Variants in CLIP1 observed in about 807,000 individuals in gnomAD.
CLIP1 encodes CAP-Gly domain containing linker protein 1.
Under a neutral mutation model 161.6 loss-of-function variants are expected in CLIP1, and 66 were observed. That is an observed-to-expected ratio of 0.41 (90% confidence interval 0.33 to 0.50). The LOEUF is 0.50. Among genes scored for constraint, CLIP1 ranks in the 20% least tolerant of loss-of-function variants. CLIP1 has a pLI of 0.27. For synonymous variants in CLIP1, 598 were observed against 626.2 expected (o/e 0.96, Z 0.67); for missense variants, 1,376 against 1,702.0 (o/e 0.81, Z 3.37).
intron 21 of CLIP1, among the ~76,000 whole-genome samples, chr12:122,287,631 T>C (rs1013923289): frequency 2.6e-5 from 4 of 152,194 alleles, no homozygotes; most frequent in Non-Finnish European, 5.9e-5. Flanking sequence ...CAAAGACTTA[T>C]CAGCTTATAG....
intron 24 of CLIP1, chr12:122,276,564 T>G: frequency 9.0e-7 from 1 of 1,116,254 alleles, no homozygotes; most frequent in Non-Finnish European, 1.2e-6. Flanking sequence ...ACAATGCTAA[T>G]CCATGGTAAG....
At chr12:122,288,408 T>G in intron 21 of CLIP1, 81 bp downstream of exon 21, 19 of 1,234,574 alleles carry the variant, frequency 1.5e-5, no homozygotes, top group Non-Finnish European at 2.0e-5. Context: ...GTCACTTGTT[T>G]TCTACTATAA....
intron 1 of CLIP1, among the ~76,000 whole-genome samples, chr12:122,393,912 C>CAAAAAAAAAAAAAAAAAAAAAAAAAA (rs71082981): frequency 3.2e-5 from 2 of 63,194 alleles, no homozygotes; most frequent in African/African-American, 9.2e-5. Context: ...ATTCTGTCTC[C>CAAAAAAAAAAAAAAAAAAAAAAAAAA]AAAAAAAAAA....
At chr12:122,295,951 G>A (rs969198841) in intron 20 of CLIP1, among the ~76,000 whole-genome samples, 5 of 152,108 alleles carry the variant, frequency 3.3e-5, no homozygotes, top group African/African-American at 7.2e-5. Flanking sequence ...TGCATAGTAT[G>A]TCTTGTTCCA....
At chr12:122,303,657 G>A (rs1950768854) in intron 20 of CLIP1, among the ~76,000 whole-genome samples, 2 of 152,076 alleles carry the variant, frequency 1.3e-5, no homozygotes, top group Admixed American at 1.3e-4. Context: ...CCTCAGCCTT[G>A]GGGCACGCAT....
chr12:122,357,668 C>T (rs1197702587), intron 5 of CLIP1, among the ~76,000 whole-genome samples: 7 of 150,106 alleles, frequency 4.7e-5, no homozygotes, highest in Middle Eastern at 3.2e-3. Flanking sequence ...CGGCCAGCCG[C>T]CCCGTCCGGG....
chr12:122,335,600 C>T (rs546778340), intron 12 of CLIP1, among the ~76,000 whole-genome samples: 3 of 152,022 alleles, frequency 2.0e-5, no homozygotes, highest in African/African-American at 4.8e-5. Flanking sequence ...TGAGGTCAGT[C>T]GTTCAAGACC....
intron 1 of CLIP1, among the ~76,000 whole-genome samples, chr12:122,381,056 AAAAC>A (rs1202724677): frequency 2.0e-5 from 3 of 152,122 alleles, no homozygotes; most frequent in East Asian, 1.9e-4. Flanking sequence ...AAAAAACACA[AAAAC>A]AAAAATAAGC....
At chr12:122,329,196 G>A (rs955204735) in intron 15 of CLIP1, among the ~76,000 whole-genome samples, 4 of 152,146 alleles carry the variant, frequency 2.6e-5, no homozygotes, top group African/African-American at 2.4e-5. Flanking sequence ...GTGTGGTGGC[G>A]CATGCCTACA....
chr12:122,339,832 G>A (rs1218125967), intron 11 of CLIP1, among the ~76,000 whole-genome samples: 1 of 152,128 alleles, frequency 6.6e-6, no homozygotes, highest in Non-Finnish European at 1.5e-5. Flanking sequence ...TGGGCTACGT[G>A]GCACAGCCTA....
At chr12:122,422,930 A>AG (rs977125520), upstream of CLIP1, among the ~76,000 whole-genome samples, 2 of 152,038 alleles carry the variant, frequency 1.3e-5, no homozygotes, top group African/African-American at 4.8e-5. Context: ...GCCTGCTCCG[A>AG]GGGGCTTCTC....
intron 20 of CLIP1, among the ~76,000 whole-genome samples, chr12:122,305,071 C>T (rs1335185869): frequency 6.6e-6 from 1 of 152,122 alleles, no homozygotes; most frequent in Non-Finnish European, 1.5e-5. Flanking sequence ...AATCCCTGTC[C>T]GGTTTCCATA....
chr12:122,388,513 G>A (rs566925976), intron 1 of CLIP1, among the ~76,000 whole-genome samples: 16 of 152,020 alleles, frequency 1.1e-4, no homozygotes, highest in Non-Finnish European at 1.8e-4. Flanking sequence ...GCCACCACCC[G>A]GCCAACTATC....
intron 17 of CLIP1, chr12:122,324,243 T>G (rs1464187986): frequency 1.3e-5 from 2 of 152,664 alleles, no homozygotes; most frequent in Admixed American, 6.5e-5. Flanking sequence ...TCTACAAGCT[T>G]GGATAAAAGT....
At chr12:122,395,222 T>TCTATTCAAA (rs1402950199) in intron 1 of CLIP1, among the ~76,000 whole-genome samples, 1 of 152,228 alleles carries the variant, frequency 6.6e-6, no homozygotes, top group Non-Finnish European at 1.5e-5. Context: ...TATTCAACTG[T>TCTATTCAAA]GGAGTTTTCT....
In CLIP1 at chr12:122,336,719, C is replaced by G. The variant is rs772841127; in HGVS notation, c.2481G>C (p.Gly827=). 6.2e-6 allele frequency: 10 copies of G among 1,607,278 alleles called. No individual in the cohort carries two copies. The highest frequency in any genetic ancestry group is 6.8e-6 in the Non-Finnish European group (8 of 1,175,224). The change falls in exon 12 of 26, where the codon GGG becomes GGC. Residue 827 remains glycine, a synonymous_variant. Transcript: ENST00000620786. ...KASSITRELQ[G]RELKLTNLQE... ...GAAGGTTAGTAAGCTTTAGCTCTCTCCCCTGGAGCTCTCTGGTAATGCTAC... is the reference window on the plus strand; with the variant it reads ...GAAGGTTAGTAAGCTTTAGCTCTCTGCCCTGGAGCTCTCTGGTAATGCTAC...
At chr12:122,290,177 T>C (rs1277108774) in intron 20 of CLIP1, among the ~76,000 whole-genome samples, 1 of 152,254 alleles carries the variant, frequency 6.6e-6, no homozygotes, top group Non-Finnish European at 1.5e-5. Flanking sequence ...TTACTTATGT[T>C]CATGCTTTGC....
intron 5 of CLIP1, among the ~76,000 whole-genome samples, chr12:122,359,278 T>C (rs1217715219): frequency 3.3e-5 from 5 of 152,168 alleles, no homozygotes; most frequent in Admixed American, 2.6e-4. Flanking sequence ...CACGTCTCTT[T>C]TGTCAATTTT....
intron 5 of CLIP1, among the ~76,000 whole-genome samples, chr12:122,357,793 C>T (rs1477247975): frequency 1.3e-5 from 2 of 148,904 alleles, no homozygotes; most frequent in Non-Finnish European, 3.0e-5. Flanking sequence ...CCCGGCTAGC[C>T]GCCCCATCCG....
Sources: gnomAD v4.1 joint callset for allele counts (sites outside exome capture counted in the v4.1 genomes callset) on GRCh38, gnomAD v4.1.1 for gene constraint, MANE v1.5 for transcripts, NCBI Gene and HGNC (gene_info 2026-07-23, HGNC 2026-07-21) for gene names.